Variants in CALN1 observed in about 807,000 individuals in gnomAD.
CALN1 encodes the protein calneuron 1.
Under a neutral mutation model 30.6 loss-of-function variants are expected in CALN1, and 17 were observed. The ratio of observed to expected loss-of-function variants is 0.56; its 90% confidence interval spans 0.38 to 0.83. The LOEUF (loss-of-function observed/expected upper bound fraction) is 0.83. Among genes scored for constraint, CALN1 ranks in the 40% least tolerant of loss-of-function variants. CALN1 has a pLI of 0.00. For missense variants in CALN1, 291 were observed against 354.9 expected, an observed-to-expected ratio of 0.82 and a Z score of 1.45; for synonymous variants, 156 against 131.4, an observed-to-expected ratio of 1.19 and a Z score of -1.28.
chr7:72,422,681 C>T (rs1230606288), intron 1 of CALN1, among the ~76,000 whole-genome samples: 2 of 152,158 alleles, frequency 1.3e-5, no homozygotes, highest in African/African-American at 4.8e-5. Context: ...TATTCTTCAT[C>T]CTTCATGTAA....
chr7:72,097,784 G>A (rs549453031), intron 4 of CALN1, among the ~76,000 whole-genome samples: 2 of 152,126 alleles, frequency 1.3e-5, no homozygotes, highest in East Asian at 3.9e-4. Context: ...CACAATCTCG[G>A]CTCACCGCAA....
chr7:71,908,920 G>C (rs1019684040), intron 5 of CALN1, among the ~76,000 whole-genome samples: 4 of 152,286 alleles, frequency 2.6e-5, no homozygotes, highest in South Asian at 2.1e-4. Context: ...CGTCCTTTCA[G>C]GGATCCAGCA....
upstream of CALN1, among the ~76,000 whole-genome samples, chr7:72,413,531 G>A (rs1325332006): frequency 1.3e-5 from 2 of 149,266 alleles, no homozygotes; most frequent in Non-Finnish European, 3.0e-5. Context: ...TCATAAACAC[G>A]CACACTCACA....
intron 4 of CALN1, among the ~76,000 whole-genome samples, chr7:72,032,645 A>C (rs753980040): frequency 3.3e-5 from 5 of 152,218 alleles, no homozygotes; most frequent in Non-Finnish European, 7.3e-5. Context: ...GAAGAAAGTT[A>C]GTGGGAAATT....
chr7:71,993,502 G>C (rs1397440607), intron 5 of CALN1, among the ~76,000 whole-genome samples: 1 of 151,076 alleles, frequency 6.6e-6, no homozygotes, highest in Non-Finnish European at 1.5e-5. Flanking sequence ...TGTCACCCAG[G>C]CTGGAGTGCA....
At chr7:72,467,753 CA>C in the CALN1 span, among the ~76,000 whole-genome samples, 1 of 152,112 alleles carries the variant, frequency 6.6e-6, no homozygotes, top group South Asian at 2.1e-4. Context: ...CTAAAATTCA[CA>C]TGATGAAATT....
chr7:72,195,599 T>C (rs1790932474), intron 3 of CALN1, among the ~76,000 whole-genome samples: 3 of 152,120 alleles, frequency 2.0e-5, no homozygotes, highest in Admixed American at 2.0e-4. Flanking sequence ...GGCTGCTCTC[T>C]AACTCCTGGG....
At chr7:71,845,221 T>A (rs1790160543) in intron 5 of CALN1, among the ~76,000 whole-genome samples, 1 of 152,200 alleles carries the variant, frequency 6.6e-6, no homozygotes, top group Admixed American at 6.5e-5. Flanking sequence ...CTGGTTCCTG[T>A]ATCTTGATAA....
chr7:71,933,634 TACTC>T (rs367660110), intron 5 of CALN1, among the ~76,000 whole-genome samples: 2 of 152,186 alleles, frequency 1.3e-5, no homozygotes, highest in African/African-American at 2.4e-5. Context: ...CACTTTGTCT[TACTC>T]ACCTCTGAAT....
intron 3 of CALN1, among the ~76,000 whole-genome samples, chr7:72,265,002 G>A (rs1585303458): frequency 6.6e-6 from 1 of 152,080 alleles, no homozygotes; most frequent in South Asian, 2.1e-4. Context: ...CCATGTACCT[G>A]CTAATTTTTG....
rs116211970 is a variant in CALN1 at position 71,898,957 on chromosome 7, T to C, written c.502-88465A>G. Among the ~76,000 whole-genome samples the C allele has an allele frequency of 1.7e-3, 257 of 152,276 alleles. 1 individual carries two copies. Among genetic ancestry groups the C allele is most frequent in the African/African-American group, 5.9e-3 (245 of 41,564 alleles). ...AAATTAGAAGACAAAATTACAGTTA[T>C]TGAACTGTATAGAATCATATATCCA... On this transcript the variant is annotated intron_variant, in intron 5 of 6. Coordinates refer to ENST00000395275, the MANE Select transcript of CALN1 (RefSeq NM_031468.4).
At chr7:71,878,678 GA>G (rs1350960521) in intron 5 of CALN1, among the ~76,000 whole-genome samples, 8 of 152,150 alleles carry the variant, frequency 5.3e-5, no homozygotes, top group African/African-American at 1.9e-4. Flanking sequence ...GGAGGTCCTT[GA>G]AAACACAAAA....
intron 4 of CALN1, among the ~76,000 whole-genome samples, chr7:72,078,287 A>G (rs1181807249): frequency 6.6e-6 from 1 of 152,030 alleles, no homozygotes; most frequent in Non-Finnish European, 1.5e-5. Context: ...AATGAGGATT[A>G]ACCAAAAACA....
intron 4 of CALN1, among the ~76,000 whole-genome samples, chr7:72,060,540 C>T (rs542396118): frequency 1.3e-5 from 2 of 152,302 alleles, no homozygotes; most frequent in East Asian, 3.9e-4. Context: ...TAACCCTAAA[C>T]AGTCTGCCCT....
intron 5 of CALN1, among the ~76,000 whole-genome samples, chr7:71,819,323 C>T (rs530977176): frequency 1.4e-4 from 22 of 151,988 alleles, no homozygotes; most frequent in African/African-American, 4.8e-4. Flanking sequence ...ATTCTCCTGC[C>T]TCAGCCTCCT....
chr7:71,917,815 C>G (rs1272485487), intron 5 of CALN1, among the ~76,000 whole-genome samples: 1 of 152,182 alleles, frequency 6.6e-6, no homozygotes, highest in East Asian at 1.9e-4. Flanking sequence ...GTGGGGGACA[C>G]AGAGCCAAAC....
intron 3 of CALN1, among the ~76,000 whole-genome samples, chr7:72,151,015 T>C (rs1261682484): frequency 2.0e-5 from 3 of 152,140 alleles, no homozygotes; most frequent in African/African-American, 7.2e-5. Context: ...GCCCTCACAC[T>C]GCCTTCCCGT....
At position 71,779,556 on chromosome 7, in the gene CALN1, A is replaced by G. The variant is rs1171485094; in HGVS notation, c.*8219T>C. On this transcript the variant is annotated 3_prime_UTR_variant, in exon 7 of 7. Transcript: ENST00000395275. ...TAATGGTAAATTAGACTCTTTTTAT[A>G]CAGATTATATATTTACAGACAAGTT... 1 of 152,214 alleles carries G rather than the reference A, an allele frequency of 6.6e-6. No homozygotes were observed. Among genetic ancestry groups the G allele is most frequent in the Admixed American group, 6.5e-5 (1 of 15,276 alleles). 9.4% of individuals were successfully genotyped at this position (152,214 alleles called of 1,614,324 possible). A position where few individuals can be genotyped will look rare whatever the true frequency, so the allele number is the denominator to read the frequency against.
At chr7:71,994,645 A>G (rs1468400282) in intron 5 of CALN1, among the ~76,000 whole-genome samples, 2 of 152,150 alleles carry the variant, frequency 1.3e-5, no homozygotes, top group African/African-American at 4.8e-5. Context: ...GTTAAGAGCA[A>G]AAGTTTAATA....
Sources: gnomAD v4.1 joint callset for allele counts (sites outside exome capture counted in the v4.1 genomes callset) on GRCh38, gnomAD v4.1.1 for gene constraint, MANE v1.5 for transcripts, NCBI Gene and HGNC (gene_info 2026-07-23, HGNC 2026-07-21) for gene names.